AGBL4: variants seen among roughly 807,000 people sequenced by gnomAD.
AGBL4 encodes the protein AGBL carboxypeptidase 4, also known as cytosolic carboxypeptidase 6.
In AGBL4, 58 loss-of-function variants were observed where a neutral mutation model predicts 66.4. The ratio of observed to expected loss-of-function variants is 0.87; its 90% CI spans 0.71 to 1.09. The LOEUF (loss-of-function observed/expected upper bound fraction) is 1.09, where lower values mean the gene tolerates loss of function less well. AGBL4 is among the 50% of genes least tolerant of loss of function. AGBL4 has a pLI of 0.00. For missense variants in AGBL4, 579 were observed against 631.0 expected (o/e 0.92, Z 0.88); for synonymous variants, 234 against 222.9 (o/e 1.05, Z -0.44).
chr1:49,738,652 C>A (rs2124738517), intron 2 of AGBL4, among the ~76,000 whole-genome samples: 1 of 152,298 alleles, frequency 6.6e-6, no homozygotes, highest in East Asian at 1.9e-4. Context: ...GGGAGGCACC[C>A]CCCAGTAGGG....
At chr1:49,366,231 T>C (rs537264067) in intron 3 of AGBL4, among the ~76,000 whole-genome samples, 1 of 152,312 alleles carries the variant, frequency 6.6e-6, no homozygotes, top group African/African-American at 2.4e-5. Context: ...ATCATTGCTA[T>C]ATCCTTAGGT....
At chr1:49,842,758 T>TG (rs2148043347) in intron 2 of AGBL4, among the ~76,000 whole-genome samples, 1 of 152,052 alleles carries the variant, frequency 6.6e-6, no homozygotes, top group Non-Finnish European at 1.5e-5. Context: ...AGCAGAGAGA[T>TG]GAGGGATAGC....
intron 5 of AGBL4, among the ~76,000 whole-genome samples, chr1:48,941,852 G>T (rs1229557123): frequency 1.3e-5 from 2 of 152,182 alleles, no homozygotes; most frequent in African/African-American, 2.4e-5. Flanking sequence ...TTTGAAGCAG[G>T]ATCTGTGATT....
At chr1:48,999,278 G>A (rs1487866062) in intron 5 of AGBL4, among the ~76,000 whole-genome samples, 1 of 152,196 alleles carries the variant, frequency 6.6e-6, no homozygotes, top group Non-Finnish European at 1.5e-5. Flanking sequence ...CACTGATGAA[G>A]AAGATGGCTG....
chr1:49,841,940 C>G, intron 2 of AGBL4: 1 of 597,404 alleles, frequency 1.7e-6, no homozygotes, highest in Admixed American at 2.2e-5. Context: ...TCGGCCTCCT[C>G]GAGCGTGTCC....
At chr1:49,453,538 A>T (rs1646324578) in intron 3 of AGBL4, among the ~76,000 whole-genome samples, 1 of 151,750 alleles carries the variant, frequency 6.6e-6, no homozygotes, top group Admixed American at 6.6e-5. Context: ...AATAAATACA[A>T]TAGAATCTTT....
intron 2 of AGBL4, among the ~76,000 whole-genome samples, chr1:49,839,835 A>AC (rs1434616205): frequency 1.3e-5 from 2 of 152,252 alleles, no homozygotes; most frequent in African/African-American, 4.8e-5. Flanking sequence ...AATGCATTGT[A>AC]CAATACTTTC....
intron 6 of AGBL4, among the ~76,000 whole-genome samples, chr1:48,849,296 G>T (rs984847995): frequency 8.5e-5 from 13 of 152,200 alleles, no homozygotes; most frequent in Non-Finnish European, 1.8e-4. Context: ...ACTGGTACAA[G>T]CATGTATAAA....
intron 4 of AGBL4, among the ~76,000 whole-genome samples, chr1:49,236,373 C>A (rs1171698520): frequency 1.3e-5 from 2 of 152,080 alleles, no homozygotes; most frequent in Non-Finnish European, 2.9e-5. Flanking sequence ...ACATCTATGG[C>A]TATAAAGGGC....
rs111792920 is a variant in AGBL4, at chr1:48,999,835, C to G, written c.594+45749G>C. Among the ~76,000 whole-genome samples, 312 of 152,256 alleles carry G rather than the reference C, an allele frequency of 2.0e-3. 1 individual carries two copies. Among genetic ancestry groups the G allele is most frequent in the Non-Finnish European group, 3.5e-3 (237 of 68,018 alleles). On this transcript the variant is annotated intron_variant, in intron 5 of 13. Transcript: ENST00000371839. Reference sequence around the variant, plus strand: ...AACCCTAATATGATCTACCAGCCCCCCTTAGACCCCATTATCTAGACCTGG... The same window carrying G: ...AACCCTAATATGATCTACCAGCCCCGCTTAGACCCCATTATCTAGACCTGG...
At chr1:49,812,785 T>C (rs947595205) in intron 2 of AGBL4, among the ~76,000 whole-genome samples, 1 of 152,160 alleles carries the variant, frequency 6.6e-6, no homozygotes, top group Non-Finnish European at 1.5e-5. Context: ...AAACATTTAC[T>C]GCAGAACTAC....
At chr1:48,647,552 G>T in intron 8 of AGBL4, 1 of 413,324 alleles carries the variant, frequency 2.4e-6, no homozygotes, top group Non-Finnish European at 4.8e-6. Flanking sequence ...TTTATTCAAA[G>T]GTCTATGACT....
At chr1:49,910,209 C>T (rs993248813) in intron 1 of AGBL4, among the ~76,000 whole-genome samples, 3 of 152,112 alleles carry the variant, frequency 2.0e-5, no homozygotes, top group East Asian at 1.9e-4. Context: ...TCAACAACAA[C>T]AACAATGAGT....
intron 1 of AGBL4, among the ~76,000 whole-genome samples, chr1:49,921,500 C>T (rs1447323020): frequency 6.6e-6 from 1 of 152,048 alleles, no homozygotes; most frequent in Non-Finnish European, 1.5e-5. Context: ...GGATCAAAGG[C>T]TCACACGATC....
chr1:49,486,790 A>C lies in AGBL4; in HGVS notation c.282+210523T>G, dbSNP rs567494064. Among the ~76,000 whole-genome samples, 5 of 152,120 alleles carry C rather than the reference A, an allele frequency of 3.3e-5. No homozygotes were observed. In the East Asian group the frequency reaches 5.8e-4, roughly 18 times the overall value. On this transcript the variant is annotated intron_variant, in intron 3 of 13. Coordinates refer to ENST00000371839, the MANE Select transcript of AGBL4 (RefSeq NM_032785.4). ...ATGAAAAAATTTACATTCCTCTTAC[A>C]TGCAACCAAAAATGGGACAAACACC...
intron 4 of AGBL4, among the ~76,000 whole-genome samples, chr1:49,205,864 T>G (rs1247518151): frequency 6.6e-6 from 1 of 152,164 alleles, no homozygotes; most frequent in South Asian, 2.1e-4. Context: ...ATGCTATAAC[T>G]GAATTCCTAG....
intron 1 of AGBL4, among the ~76,000 whole-genome samples, chr1:49,946,394 C>G (rs1365987026): frequency 6.6e-6 from 1 of 151,894 alleles, no homozygotes; most frequent in Non-Finnish European, 1.5e-5. Flanking sequence ...CTGGTATCAA[C>G]TCCAAAAGGA....
intron 2 of AGBL4, among the ~76,000 whole-genome samples, chr1:49,850,052 T>C (rs980184967): frequency 6.6e-6 from 1 of 152,170 alleles, no homozygotes; most frequent in Non-Finnish European, 1.5e-5. Flanking sequence ...TCAGGTCTGG[T>C]TGGAAGTACA....
chr1:49,666,794 C>G (rs1483438489), intron 3 of AGBL4, among the ~76,000 whole-genome samples: 1 of 151,990 alleles, frequency 6.6e-6, no homozygotes, highest in African/African-American at 2.4e-5. Flanking sequence ...CCATTACCAT[C>G]CTTATTTTAT....
Sources: allele counts gnomAD v4.1 joint callset (sites outside exome capture counted in the v4.1 genomes callset), GRCh38; gene constraint gnomAD v4.1.1; transcripts MANE v1.5; gene names NCBI Gene and HGNC (gene_info 2026-07-23, HGNC 2026-07-21).